Variants in PID1 observed in about 807,000 individuals in gnomAD.
The protein encoded by PID1 is phosphotyrosine interaction domain containing 1.
Under a neutral mutation model 19.1 loss-of-function variants are expected in PID1, and 10 were observed. The observed-to-expected ratio is 0.52, with a 90% confidence interval of 0.32 to 0.89. The LOEUF is 0.89. PID1 is among the 40% of genes least tolerant of loss of function. The pLI, the probability that PID1 is intolerant of heterozygous loss-of-function variation, is 0.03. For synonymous variants in PID1, 130 were observed against 116.0 expected (o/e 1.12, Z -0.78); for missense variants, 248 against 285.3 (o/e 0.87, Z 0.94).
chr2:229,186,395 T>C (rs10933278), intron 1 of PID1, among the ~76,000 whole-genome samples: 135,505 of 152,118 alleles, frequency 0.89, 60,500 homozygotes, highest in African/African-American at 0.94. Flanking sequence ...TGTGTGGGGG[T>C]TTTGACCACA....
intron 1 of PID1, among the ~76,000 whole-genome samples, chr2:229,216,636 A>T (rs1387090209): frequency 1.3e-5 from 2 of 152,042 alleles, no homozygotes; most frequent in African/African-American, 2.4e-5. Flanking sequence ...GTAAAAAAAT[A>T]AAAAAAACTA....
rs139479764 is a variant in PID1 at position 229,172,202 on chromosome 2, A to T, written c.31-16238T>A. 4.3e-3 allele frequency among the ~76,000 whole-genome samples: 659 copies of T among 152,180 alleles called. 5 individuals carry two copies. Among genetic ancestry groups the T allele is most frequent in the African/African-American group, 0.015 (629 of 41,538 alleles). Reference sequence around the variant, plus strand: ...AAAAGGTCCAAACATCTGAAGAAGGACCTCTCTACCCTCCTCCAAATAGTT... The same window carrying T: ...AAAAGGTCCAAACATCTGAAGAAGGTCCTCTCTACCCTCCTCCAAATAGTT... On this transcript the variant is annotated intron_variant, in intron 1 of 2. Transcript: ENST00000392055.
chr2:229,222,864 A>AACACAC (rs72386398), intron 1 of PID1, among the ~76,000 whole-genome samples: 99 of 103,980 alleles, frequency 9.5e-4, no homozygotes, highest in African/African-American at 3.5e-3. Context: ...TTCACACACA[A>AACACAC]ACACACACAC....
chr2:229,248,639 T>A (rs184640799), intron 1 of PID1, among the ~76,000 whole-genome samples: 1 of 152,366 alleles, frequency 6.6e-6, no homozygotes, highest in East Asian at 1.9e-4. Context: ...TCTAACTCCA[T>A]CATCCCTGCT....
chr2:229,211,854 T>C (rs1187241571), intron 1 of PID1, among the ~76,000 whole-genome samples: 1 of 152,244 alleles, frequency 6.6e-6, no homozygotes, highest in African/African-American at 2.4e-5. Flanking sequence ...GACAATATAT[T>C]CGCAAATTCC....
At chr2:229,161,130 G>A (rs1690484950) in intron 1 of PID1, among the ~76,000 whole-genome samples, 1 of 152,142 alleles carries the variant, frequency 6.6e-6, no homozygotes, top group East Asian at 1.9e-4. Context: ...CAAAAGCATT[G>A]GTTCAGAGGA....
At chr2:229,199,720 T>TTATATATATATATATA (rs55942947) in intron 1 of PID1, among the ~76,000 whole-genome samples, 8 of 132,170 alleles carry the variant, frequency 6.1e-5, no homozygotes, top group African/African-American at 2.2e-4. Flanking sequence ...AATATCTAAT[T>TTATATATATATATATA]TATATATATA....
chr2:229,083,935 C>T (rs530851558), intron 2 of PID1, among the ~76,000 whole-genome samples: 2 of 152,312 alleles, frequency 1.3e-5, no homozygotes, highest in Admixed American at 1.3e-4. Context: ...CAATGGCTCC[C>T]AGATTTTTAC....
chr2:229,054,726 G>A (rs988248395), intron 2 of PID1, among the ~76,000 whole-genome samples: 2 of 128,430 alleles, frequency 1.6e-5, no homozygotes, highest in African/African-American at 2.9e-5. Flanking sequence ...GTGTGGGGGG[G>A]GGGGGGGGTC....
intron 1 of PID1, among the ~76,000 whole-genome samples, chr2:229,238,308 T>A (rs1357910573): frequency 1.3e-5 from 2 of 152,124 alleles, no homozygotes; most frequent in Non-Finnish European, 2.9e-5. Flanking sequence ...CTCAAAATCA[T>A]CCAACTTTAT....
At chr2:229,038,470 T>C (rs1400874385) in intron 2 of PID1, among the ~76,000 whole-genome samples, 1 of 152,214 alleles carries the variant, frequency 6.6e-6, no homozygotes, top group East Asian at 1.9e-4. Context: ...TATATATAAA[T>C]TTTGATATAA....
intron 1 of PID1, among the ~76,000 whole-genome samples, chr2:229,250,487 GT>G (rs1298535507): frequency 6.6e-6 from 1 of 152,174 alleles, no homozygotes; most frequent in Non-Finnish European, 1.5e-5. Context: ...AAGCACAAAG[GT>G]TCTACGGCAA....
rs144157059 is a variant in PID1, at chr2:229,172,879, G to A, written c.31-16915C>T. Among the ~76,000 whole-genome samples, 935 of 152,110 alleles carry A rather than the reference G, an allele frequency of 6.1e-3. 7 individuals are homozygous for A. Among genetic ancestry groups the A allele is most frequent in the Middle Eastern group, 0.031 (9 of 294 alleles). On this transcript the variant is annotated intron_variant, in intron 1 of 2. Coordinates refer to ENST00000392055, the MANE Select transcript of PID1 (RefSeq NM_001100818.2). ...CCTGAGCAGCAGGGATTACAAGTGC[G>A]TGCCACCATGCCCGGCTGATTTTTT...
intron 2 of PID1, among the ~76,000 whole-genome samples, chr2:229,143,994 T>C (rs1483848132): frequency 6.6e-6 from 1 of 152,116 alleles, no homozygotes; most frequent in African/African-American, 2.4e-5. Flanking sequence ...AGAATATTAA[T>C]ATCTGAATCA....
At position 229,024,481 on chromosome 2, in the gene PID1, A is replaced by G. The variant is rs1019203337; in HGVS notation, c.*1151T>C. ...AACTTCCCATTCAAAATAAAAAAAAAGGGCAATTCTGACCCTAAGATATCA... is the reference window on the plus strand; with the variant it reads ...AACTTCCCATTCAAAATAAAAAAAAGGGGCAATTCTGACCCTAAGATATCA... On this transcript the variant is annotated 3_prime_UTR_variant, in exon 3 of 3. Coordinates refer to ENST00000392055, the MANE Select transcript of PID1 (RefSeq NM_001100818.2). The G allele has an allele frequency of 6.6e-6, 1 of 152,614 alleles. No homozygotes were observed. 9.5% of individuals were successfully genotyped at this position (152,614 alleles called of 1,614,324 possible).
intron 2 of PID1, among the ~76,000 whole-genome samples, chr2:229,046,564 T>G (rs1342223782): frequency 1.3e-5 from 2 of 151,720 alleles, no homozygotes; most frequent in Non-Finnish European, 2.9e-5. Flanking sequence ...CCTTAATTTC[T>G]TTCAGAAAAA....
At chr2:229,194,728 G>A (rs1691336669) in intron 1 of PID1, among the ~76,000 whole-genome samples, 2 of 152,088 alleles carry the variant, frequency 1.3e-5, no homozygotes, top group South Asian at 2.1e-4. Flanking sequence ...GTATGTGAGT[G>A]AGTGTGTGTA....
intron 2 of PID1, among the ~76,000 whole-genome samples, chr2:229,100,143 G>A (rs905626834): frequency 3.3e-5 from 5 of 152,142 alleles, no homozygotes; most frequent in African/African-American, 1.2e-4. Context: ...CCAGCACCTT[G>A]ATCTTGGACT....
chr2:229,240,408 G>T (rs1689841290), intron 1 of PID1, among the ~76,000 whole-genome samples: 1 of 152,046 alleles, frequency 6.6e-6, no homozygotes, highest in Admixed American at 6.6e-5. Flanking sequence ...TTAGCTTTGT[G>T]TAACTCAGAG....
Sources: gnomAD v4.1 joint callset for allele counts (sites outside exome capture counted in the v4.1 genomes callset) on GRCh38, gnomAD v4.1.1 for gene constraint, MANE v1.5 for transcripts, NCBI Gene and HGNC (gene_info 2026-07-23, HGNC 2026-07-21) for gene names.